The following AKAP19 variants were observed in gnomAD, a reference collection of about 807,000 sequenced individuals.
AKAP19 encodes the protein small A-kinase anchoring protein.
the AKAP19 span, chr2:190,181,337 CAGTGAAAGG>C: frequency 5.6e-6 from 1 of 177,164 alleles, no homozygotes; most frequent in African/African-American, 2.4e-5. Context: ...CTGGGCTTCC[CAGTGAAAGG>C]TATCTCATTA....
At chr2:189,901,473 G>A in the AKAP19 span, among the ~76,000 whole-genome samples, 1 of 152,052 alleles carries the variant, frequency 6.6e-6, no homozygotes, top group African/African-American at 2.4e-5. Context: ...GAGTAGCTGG[G>A]ACTACAGGCA....
the AKAP19 span, among the ~76,000 whole-genome samples, chr2:190,129,633 G>A: frequency 6.9e-6 from 1 of 144,610 alleles, no homozygotes; most frequent in South Asian, 2.4e-4. Context: ...TTCTCGGTGG[G>A]TTGCAGCATC....
the AKAP19 span, among the ~76,000 whole-genome samples, chr2:190,053,537 T>A: frequency 6.6e-6 from 1 of 152,142 alleles, no homozygotes; most frequent in Non-Finnish European, 1.5e-5. Flanking sequence ...TACTCAGGAA[T>A]GACCAAAATA....
chr2:190,076,138 T>C, the AKAP19 span, among the ~76,000 whole-genome samples: 1 of 152,356 alleles, frequency 6.6e-6, no homozygotes, highest in Non-Finnish European at 1.5e-5. Flanking sequence ...CTTAAGTATT[T>C]ATGCATATAT....
At chr2:190,114,949 T>C in the AKAP19 span, among the ~76,000 whole-genome samples, 1 of 151,980 alleles carries the variant, frequency 6.6e-6, no homozygotes. Context: ...TATTGTTAAA[T>C]TTTGTTGTAA....
chr2:190,126,875 T>C, the AKAP19 span, among the ~76,000 whole-genome samples: 2 of 152,014 alleles, frequency 1.3e-5, no homozygotes, highest in African/African-American at 4.8e-5. Context: ...TAAGTTTAAA[T>C]AGACTATAGA....
the AKAP19 span, among the ~76,000 whole-genome samples, chr2:189,911,871 G>GC: frequency 6.7e-6 from 1 of 149,922 alleles, no homozygotes; most frequent in Non-Finnish European, 1.5e-5. Context: ...AGCTCTATTT[G>GC]TTTTTTTCTA....
the AKAP19 span, among the ~76,000 whole-genome samples, chr2:190,077,342 TG>T: frequency 6.6e-6 from 1 of 152,058 alleles, no homozygotes; most frequent in Non-Finnish European, 1.5e-5. Context: ...CCCGAGTAGT[TG>T]GGATTACAGG....
the AKAP19 span, among the ~76,000 whole-genome samples, chr2:190,072,617 T>C: frequency 1.3e-4 from 20 of 152,324 alleles, no homozygotes; most frequent in South Asian, 3.3e-3. Context: ...TTGACAAATA[T>C]TGTAATAAAT....
At chr2:190,125,645 G>T in the AKAP19 span, among the ~76,000 whole-genome samples, 1 of 152,230 alleles carries the variant, frequency 6.6e-6, no homozygotes, top group Admixed American at 6.5e-5. Flanking sequence ...CGGGATCTTT[G>T]TTGGGAAATC....
chr2:190,097,876 A>G, the AKAP19 span, among the ~76,000 whole-genome samples: 1 of 150,740 alleles, frequency 6.6e-6, no homozygotes, highest in African/African-American at 2.4e-5. Flanking sequence ...AAAAAAAAAA[A>G]AAAAAGAAAA....
chr2:189,913,616 A>G, the AKAP19 span, among the ~76,000 whole-genome samples: 1 of 152,100 alleles, frequency 6.6e-6, no homozygotes, highest in African/African-American at 2.4e-5. Flanking sequence ...ACATATGGCT[A>G]TAGGTTAGCT....
At chr2:190,034,151 T>C in the AKAP19 span, among the ~76,000 whole-genome samples, 3 of 151,838 alleles carry the variant, frequency 2.0e-5, no homozygotes, top group Non-Finnish European at 4.4e-5. Context: ...GTGTTTAACA[T>C]GTAGTAAACA....
the AKAP19 span, among the ~76,000 whole-genome samples, chr2:189,905,317 A>T: frequency 1.3e-5 from 2 of 151,940 alleles, no homozygotes; most frequent in African/African-American, 4.8e-5. Flanking sequence ...TTTGAGCTTT[A>T]TTATTTTATT....
the AKAP19 span, among the ~76,000 whole-genome samples, chr2:190,159,368 A>G: frequency 2.0e-5 from 3 of 152,180 alleles, no homozygotes; most frequent in African/African-American, 7.2e-5. Context: ...CTCACCGTCT[A>G]TATAATCACT....
the AKAP19 span, among the ~76,000 whole-genome samples, chr2:189,973,424 G>A: frequency 1.3e-5 from 2 of 152,242 alleles, no homozygotes; most frequent in African/African-American, 4.8e-5. Flanking sequence ...ATGTTCATCA[G>A]GGATATTGGT....
the AKAP19 span, among the ~76,000 whole-genome samples, chr2:189,892,389 T>C: frequency 3.9e-5 from 6 of 152,334 alleles, no homozygotes; most frequent in African/African-American, 1.4e-4. Flanking sequence ...CTTTGGTCTT[T>C]GATGTTGGTG....
chr2:189,879,708 C>G, the AKAP19 span: 4 of 152,196 alleles, frequency 2.6e-5, no homozygotes, highest in African/African-American at 4.8e-5. Flanking sequence ...GGGAGGCTTA[C>G]CCGGAATTAA....
the AKAP19 span, among the ~76,000 whole-genome samples, chr2:190,117,683 A>G: frequency 6.6e-6 from 1 of 152,244 alleles, no homozygotes; most frequent in Admixed American, 6.5e-5. Flanking sequence ...TATTTTAAAT[A>G]ATTCTTTTAG....
Sources: allele counts gnomAD v4.1 joint callset (sites outside exome capture counted in the v4.1 genomes callset), GRCh38; gene constraint gnomAD v4.1.1; transcripts MANE v1.5; gene names NCBI Gene and HGNC (gene_info 2026-07-23, HGNC 2026-07-21).